The following DLG2 variants were observed in gnomAD, a reference collection of about 807,000 sequenced individuals.
DLG2 encodes disks large homolog 2.
DLG2 carries 45 observed loss-of-function variants against 132.5 expected under a neutral mutation model. The ratio of observed to expected loss-of-function variants is 0.34; its 90% CI spans 0.27 to 0.44. The LOEUF (loss-of-function observed/expected upper bound fraction) is 0.44. Among genes scored for constraint, DLG2 ranks in the 20% least tolerant of loss-of-function variants. The pLI is 1.00. For synonymous variants in DLG2, 424 were observed against 419.6 expected, an observed-to-expected ratio of 1.01 and a Z score of -0.13; for missense variants, 1,045 against 1,196.9, an observed-to-expected ratio of 0.87 and a Z score of 1.87.
chr11:84,521,954 A>G (rs1168778471), intron 7 of DLG2, among the ~76,000 whole-genome samples: 2 of 152,176 alleles, frequency 1.3e-5, no homozygotes, highest in Non-Finnish European at 2.9e-5. Flanking sequence ...TGAGGTCAGG[A>G]GTTCAAGACC....
At position 83,605,369 on chromosome 11, in the gene DLG2, T is replaced by C. The variant is rs575141681; in HGVS notation, c.1940+27842A>G. On this transcript the variant is annotated intron_variant, in intron 19 of 27. Transcript: ENST00000376104. ...TTACGACCCACTCGGCAATGGTATT[T>C]AATAACGTGGAGAAAAAAACAAAAC... 1.2e-4 allele frequency among the ~76,000 whole-genome samples: 19 copies of C among 152,288 alleles called. No individual in the cohort carries two copies. In the East Asian group the frequency reaches 3.5e-3, roughly 28 times the overall value.
At chr11:83,943,462 TACTA>T (rs1297581600) in intron 14 of DLG2, among the ~76,000 whole-genome samples, 1 of 152,218 alleles carries the variant, frequency 6.6e-6, no homozygotes, top group Non-Finnish European at 1.5e-5. Context: ...AGTGCCTAGG[TACTA>T]ACTAACATGG....
intron 3 of DLG2, among the ~76,000 whole-genome samples, chr11:85,547,631 T>C (rs1363606733): frequency 2.0e-5 from 3 of 152,194 alleles, no homozygotes; most frequent in African/African-American, 4.8e-5. Flanking sequence ...CAAACAAATG[T>C]AGATTTGGTC....
At chr11:84,209,328 G>T (rs1445257822) in intron 8 of DLG2, among the ~76,000 whole-genome samples, 1 of 152,130 alleles carries the variant, frequency 6.6e-6, no homozygotes, top group African/African-American at 2.4e-5. Context: ...AGAAAAGCCT[G>T]AAAAATTGTC....
chr11:85,254,121 C>A (rs987948623), intron 4 of DLG2, among the ~76,000 whole-genome samples: 8 of 152,140 alleles, frequency 5.3e-5, no homozygotes, highest in African/African-American at 1.9e-4. Context: ...AGGGTGGGGC[C>A]CTCACTGGGG....
At chr11:84,772,207 T>C (rs1048999251) in intron 6 of DLG2, among the ~76,000 whole-genome samples, 1 of 152,002 alleles carries the variant, frequency 6.6e-6, no homozygotes, top group African/African-American at 2.4e-5. Flanking sequence ...AAAGGTTCAA[T>C]TCAACCAGAA....
intron 6 of DLG2, among the ~76,000 whole-genome samples, chr11:84,899,708 G>A (rs1417236185): frequency 6.6e-6 from 1 of 152,074 alleles, no homozygotes; most frequent in African/African-American, 2.4e-5. Flanking sequence ...GAAGCAGGGA[G>A]CATCTTCACC....
intron 7 of DLG2, among the ~76,000 whole-genome samples, chr11:84,514,192 C>A (rs1260669981): frequency 6.6e-6 from 1 of 151,978 alleles, no homozygotes; most frequent in Non-Finnish European, 1.5e-5. Flanking sequence ...CAGGTAATAA[C>A]GAATGCTGGT....
chr11:83,643,581 T>C (rs1566236599), intron 18 of DLG2: 1 of 152,190 alleles, frequency 6.6e-6, no homozygotes, highest in Non-Finnish European at 1.5e-5. Flanking sequence ...TGTCTTGTTC[T>C]TTTATATAAA....
chr11:85,418,619 A>T (rs2090052494), intron 3 of DLG2, among the ~76,000 whole-genome samples: 1 of 152,138 alleles, frequency 6.6e-6, no homozygotes, highest in African/African-American at 2.4e-5. Context: ...TACGAATCTC[A>T]GTGCTCCTGT....
At chr11:84,732,095 A>G (rs115536106) in intron 6 of DLG2, among the ~76,000 whole-genome samples, 2,490 of 152,106 alleles carry the variant, frequency 0.016, 37 homozygotes, top group African/African-American at 0.036. Flanking sequence ...GTTTATCTAG[A>G]TGGTTGCATG....
intron 14 of DLG2, among the ~76,000 whole-genome samples, chr11:83,957,615 T>A (rs1260091997): frequency 4.0e-5 from 6 of 151,724 alleles, no homozygotes; most frequent in Admixed American, 3.9e-4. Flanking sequence ...TACTCTTCAA[T>A]GAATTCTCAA....
chr11:84,383,247 C>T (rs997885944), intron 7 of DLG2, among the ~76,000 whole-genome samples: 5 of 151,802 alleles, frequency 3.3e-5, no homozygotes, highest in Non-Finnish European at 4.4e-5. Flanking sequence ...GTTAGCACGG[C>T]GTCCATTCCC....
chr11:84,590,709 A>G (rs1355667420), intron 6 of DLG2, among the ~76,000 whole-genome samples: 1 of 152,184 alleles, frequency 6.6e-6, no homozygotes, highest in African/African-American at 2.4e-5. Flanking sequence ...CATTTACTCA[A>G]TAGATGCTGC....
At chr11:83,558,718 A>C (rs1790987163) in intron 19 of DLG2, among the ~76,000 whole-genome samples, 2 of 152,168 alleles carry the variant, frequency 1.3e-5, no homozygotes, top group Admixed American at 1.3e-4. Flanking sequence ...TTTCTCCCAG[A>C]GAGGAGGATC....
At chr11:84,665,236 T>C (rs2099698662) in intron 6 of DLG2, among the ~76,000 whole-genome samples, 1 of 152,182 alleles carries the variant, frequency 6.6e-6, no homozygotes, top group Admixed American at 6.6e-5. Flanking sequence ...ATAATAGTAT[T>C]GATGGAGCTT....
intron 6 of DLG2, among the ~76,000 whole-genome samples, chr11:84,679,579 G>C (rs2099723557): frequency 1.3e-5 from 2 of 151,976 alleles, no homozygotes; most frequent in Admixed American, 1.3e-4. Flanking sequence ...TTATGATCAG[G>C]GATACAGGAT....
At chr11:84,003,833 G>A (rs529561950) in intron 11 of DLG2, among the ~76,000 whole-genome samples, 1 of 152,134 alleles carries the variant, frequency 6.6e-6, no homozygotes, top group East Asian at 1.9e-4. Flanking sequence ...TAAAAAACTG[G>A]AAAAAGTAGA....
chr11:84,063,261 T>C (rs951263343), intron 10 of DLG2, among the ~76,000 whole-genome samples: 4 of 152,252 alleles, frequency 2.6e-5, no homozygotes, highest in Non-Finnish European at 4.4e-5. Flanking sequence ...TAAACCAGAA[T>C]TGTCTGTAAT....
Sources: allele counts gnomAD v4.1 joint callset (sites outside exome capture counted in the v4.1 genomes callset), GRCh38; gene constraint gnomAD v4.1.1; transcripts MANE v1.5; gene names NCBI Gene and HGNC (gene_info 2026-07-23, HGNC 2026-07-21).